SMAP1: variants seen among roughly 807,000 people sequenced by gnomAD.
The protein encoded by SMAP1 is stromal membrane-associated protein 1.
Under a neutral mutation model 58.5 loss-of-function variants are expected in SMAP1, and 24 were observed. The ratio of observed to expected loss-of-function variants is 0.41; its 90% CI spans 0.30 to 0.58. The LOEUF is 0.58. Ranked by LOEUF, SMAP1 falls within the 20% of genes least tolerant of loss-of-function variation. The pLI is 0.29. For missense variants in SMAP1, 563 were observed against 566.3 expected (o/e 0.99, Z 0.06); for synonymous variants, 216 against 196.6 (o/e 1.10, Z -0.82).
At chr6:70,684,819 A>G (rs1766866428) in intron 1 of SMAP1, among the ~76,000 whole-genome samples, 2 of 152,140 alleles carry the variant, frequency 1.3e-5, no homozygotes, top group South Asian at 4.1e-4. Context: ...GTTAGTAGTC[A>G]CTGCTCTTCT....
chr6:70,839,803 TAAAA>T (rs914339238), intron 7 of SMAP1, among the ~76,000 whole-genome samples: 5 of 152,126 alleles, frequency 3.3e-5, no homozygotes, highest in African/African-American at 1.2e-4. Context: ...CCTAAACTCT[TAAAA>T]AATATTTTCA....
chr6:70,681,718 G>A (rs1766717624), intron 1 of SMAP1, among the ~76,000 whole-genome samples: 1 of 152,120 alleles, frequency 6.6e-6, no homozygotes, highest in African/African-American at 2.4e-5. Context: ...ATACTAATGA[G>A]TACTTTGAAA....
intron 1 of SMAP1, among the ~76,000 whole-genome samples, chr6:70,712,361 G>A (rs1768089480): frequency 6.6e-6 from 1 of 152,200 alleles, no homozygotes; most frequent in African/African-American, 2.4e-5. Flanking sequence ...ATTTTTGAAT[G>A]TGTGCTCATC....
chr6:70,673,708 A>C (rs564811824), intron 1 of SMAP1, among the ~76,000 whole-genome samples: 1 of 152,344 alleles, frequency 6.6e-6, no homozygotes, highest in South Asian at 2.1e-4. Context: ...AGTTTCCTCA[A>C]AATGTGAAAC....
At chr6:70,810,047 A>G (rs780692334) in intron 6 of SMAP1, among the ~76,000 whole-genome samples, 51 of 152,200 alleles carry the variant, frequency 3.4e-4, no homozygotes, top group Non-Finnish European at 4.7e-4. Context: ...CTGAAGCAGG[A>G]AAGATTACAG....
At chr6:70,785,679 C>T (rs371622698) in intron 4 of SMAP1, among the ~76,000 whole-genome samples, 40 of 152,246 alleles carry the variant, frequency 2.6e-4, no homozygotes, top group South Asian at 1.0e-3. Flanking sequence ...AACACCTCTA[C>T]GCAAATAAAC....
At chr6:70,743,818 T>C (rs1765909782) in intron 2 of SMAP1, among the ~76,000 whole-genome samples, 1 of 152,226 alleles carries the variant, frequency 6.6e-6, no homozygotes, top group Non-Finnish European at 1.5e-5. Context: ...CATTGGGTTA[T>C]TGTATTGCCT....
chr6:70,796,136 T>A (rs903561858), intron 5 of SMAP1, among the ~76,000 whole-genome samples: 1 of 152,124 alleles, frequency 6.6e-6, no homozygotes, highest in Non-Finnish European at 1.5e-5. Context: ...TTTTTGCACA[T>A]CCTATTTATT....
rs1304931632 is a variant in SMAP1 at position 70,860,368 on chromosome 6, C to T, written c.*34C>T. On this transcript the variant is annotated 3_prime_UTR_variant, in exon 11 of 11. Coordinates refer to ENST00000370455, the MANE Select transcript of SMAP1 (RefSeq NM_001044305.3). ...ATACAAGTTTCATCCAGAACTACCA[C>T]CTGACATTCCTTGCTGAAACGCATC... is the stretch of plus-strand genomic sequence containing the variant. 6 of 1,578,098 alleles carry T rather than the reference C, an allele frequency of 3.8e-6. No homozygotes were observed. Among genetic ancestry groups the T allele is most frequent in the Non-Finnish European group, 3.4e-6 (4 of 1,162,880 alleles).
intron 3 of SMAP1, chr6:70,759,810 C>A: frequency 2.4e-6 from 1 of 415,144 alleles, no homozygotes. Context: ...ATTGGTAAAT[C>A]CTTGACGTTC....
intron 1 of SMAP1, among the ~76,000 whole-genome samples, chr6:70,726,349 G>T (rs967593427): frequency 1.6e-4 from 24 of 152,132 alleles, no homozygotes; most frequent in Non-Finnish European, 2.6e-4. Context: ...GCTGGGTACA[G>T]AACATACAGA....
At chr6:70,764,274 A>G (rs1264095639) in intron 3 of SMAP1, among the ~76,000 whole-genome samples, 2 of 152,170 alleles carry the variant, frequency 1.3e-5, no homozygotes, top group Non-Finnish European at 2.9e-5. Context: ...TGAAAGAGCA[A>G]GTTATCCAGA....
At chr6:70,787,686 A>AC (rs1163259491) in intron 4 of SMAP1, among the ~76,000 whole-genome samples, 1 of 151,866 alleles carries the variant, frequency 6.6e-6, no homozygotes, top group Non-Finnish European at 1.5e-5. Flanking sequence ...GCAGCCAAAA[A>AC]ACACATGAAA....
At chr6:70,778,123 CAT>C (rs1055683055) in intron 4 of SMAP1, among the ~76,000 whole-genome samples, 84 of 152,134 alleles carry the variant, frequency 5.5e-4, no homozygotes, top group African/African-American at 2.0e-3. Flanking sequence ...TTATAGGAGA[CAT>C]GAGATGTTTT....
At chr6:70,750,290 T>G (rs1303077562) in intron 2 of SMAP1, among the ~76,000 whole-genome samples, 1 of 152,222 alleles carries the variant, frequency 6.6e-6, no homozygotes, top group Non-Finnish European at 1.5e-5. Context: ...TACATTTGCT[T>G]GCTTACTCAT....
intron 6 of SMAP1, among the ~76,000 whole-genome samples, chr6:70,827,831 C>A (rs551372744): frequency 7.9e-5 from 12 of 151,986 alleles, no homozygotes; most frequent in Admixed American, 3.3e-4. Context: ...TGAAAGATGT[C>A]CATATGATTG....
intron 4 of SMAP1, among the ~76,000 whole-genome samples, chr6:70,788,344 A>G (rs1046404270): frequency 2.7e-5 from 4 of 150,600 alleles, no homozygotes; most frequent in Non-Finnish European, 5.9e-5. Flanking sequence ...AGATATACCT[A>G]ATGCTAAATG....
chr6:70,812,494 A>G (rs1198649515), intron 6 of SMAP1, among the ~76,000 whole-genome samples: 1 of 152,188 alleles, frequency 6.6e-6, no homozygotes, highest in African/African-American at 2.4e-5. Context: ...GTTATTCTTC[A>G]TCTTCTGGAA....
At chr6:70,707,044 A>G (rs552636501) in intron 1 of SMAP1, among the ~76,000 whole-genome samples, 21 of 152,174 alleles carry the variant, frequency 1.4e-4, no homozygotes, top group African/African-American at 5.1e-4. Flanking sequence ...TTTGATTTTT[A>G]TCAATAGTTT....
Sources: gnomAD v4.1 joint callset for allele counts (sites outside exome capture counted in the v4.1 genomes callset) on GRCh38, gnomAD v4.1.1 for gene constraint, MANE v1.5 for transcripts, NCBI Gene and HGNC (gene_info 2026-07-23, HGNC 2026-07-21) for gene names.